The following MEGF6 variants were observed in gnomAD, a reference collection of about 807,000 sequenced individuals.
The protein encoded by MEGF6 is multiple epidermal growth factor-like domains protein 6.
Under a neutral mutation model 207.1 loss-of-function variants are expected in MEGF6, and 184 were observed. The observed-to-expected ratio is 0.89, with a 90% CI of 0.79 to 1.00. The LOEUF is 1.00. Among genes scored for constraint, MEGF6 ranks in the 50% least tolerant of loss-of-function variants. The pLI is 0.00. For synonymous variants in MEGF6, 1,038 were observed against 910.0 expected, an observed-to-expected ratio of 1.14 and a Z score of -2.53; for missense variants, 2,282 against 2,202.9, an observed-to-expected ratio of 1.04 and a Z score of -0.72.
At chr1:3,542,754 A>G (rs1642571897) in intron 4 of MEGF6, among the ~76,000 whole-genome samples, 1 of 152,214 alleles carries the variant, frequency 6.6e-6, no homozygotes, top group African/African-American at 2.4e-5. Flanking sequence ...CTCGCCCAAG[A>G]CCACGCAATA....
intron 3 of MEGF6, among the ~76,000 whole-genome samples, chr1:3,591,342 C>A (rs771962646): frequency 7.9e-5 from 12 of 152,212 alleles, no homozygotes; most frequent in Non-Finnish European, 1.8e-4. Context: ...CCCCTGCTCA[C>A]AAGCCCTTGG....
intron 4 of MEGF6, chr1:3,531,550 GC>G: frequency 1.0e-6 from 1 of 952,428 alleles, no homozygotes; most frequent in Non-Finnish European, 1.2e-6. Context: ...CCAGGGGGCC[GC>G]GCCGGCCCGC....
At position 3,490,275 on chromosome 1, in the gene MEGF6, C is replaced by T. The variant is rs944507362; in HGVS notation, c.*253G>A. On this transcript the variant is annotated 3_prime_UTR_variant, in exon 37 of 37. Coordinates refer to ENST00000356575, the MANE Select transcript of MEGF6 (RefSeq NM_001409.4). ...GGACTTCCTCAGCCCAGGCCCAGAG[C>T]GTGCCCCTGGGTTCTGCAGAGCCAG... 9.2e-6 allele frequency: 5 copies of T among 543,746 alleles called. No homozygotes were observed. The highest frequency in any genetic ancestry group is 3.6e-5 in the Admixed American group (1 of 27,660). The allele number at this position is 543,746 out of a possible 1,614,324, so 33.7% of individuals were successfully genotyped here.
intron 4 of MEGF6, among the ~76,000 whole-genome samples, chr1:3,567,944 C>G (rs905242931): frequency 1.1e-4 from 16 of 152,164 alleles, no homozygotes; most frequent in African/African-American, 3.9e-4. Context: ...CTGCTGCCCG[C>G]CACCCTGGAC....
intron 4 of MEGF6, among the ~76,000 whole-genome samples, chr1:3,526,488 C>A (rs1641968157): frequency 6.6e-6 from 1 of 151,692 alleles, no homozygotes; most frequent in Non-Finnish European, 1.5e-5. Context: ...ACCTCCACCT[C>A]CCAGGTTCAA....
intron 5 of MEGF6, among the ~76,000 whole-genome samples, chr1:3,520,083 C>T (rs1641688085): frequency 6.6e-6 from 1 of 152,254 alleles, no homozygotes; most frequent in African/African-American, 2.4e-5. Context: ...ACAGCGGGCC[C>T]ACCTCTTCCC....
At position 3,500,528 on chromosome 1, in the gene MEGF6, G is replaced by A. The variant is rs551814651; in HGVS notation, c.2707+105C>T. On this transcript the variant is annotated intron_variant, in intron 21 of 36. Transcript: ENST00000356575. ...GCGGCCAAAGGCTTCGTGTGTGTGC[G>A]TGCAGGAGGGAGTACGGTCAAAGGC... 187 of 1,425,530 alleles carry A rather than the reference G, an allele frequency of 1.3e-4. 2 individuals carry two copies. The Admixed American group carries it at 4.4e-3, about 34-fold the overall frequency. 88.3% of individuals were successfully genotyped at this position (1,425,530 alleles called of 1,614,324 possible).
chr1:3,608,602 G>T (rs1348448390), intron 1 of MEGF6, among the ~76,000 whole-genome samples: 1 of 152,192 alleles, frequency 6.6e-6, no homozygotes, highest in Admixed American at 6.5e-5. Flanking sequence ...GCTGCCCAGA[G>T]GGGACTCCAT....
At chr1:3,523,192 C>G (rs1281535836) in intron 5 of MEGF6, among the ~76,000 whole-genome samples, 1 of 152,090 alleles carries the variant, frequency 6.6e-6, no homozygotes, top group African/African-American at 2.4e-5. Flanking sequence ...GAAGAAGGGG[C>G]GTCCTGACGC....
At chr1:3,505,642 C>A in intron 15 of MEGF6, 86 bp from the exon 16 acceptor site, 1 of 1,444,104 alleles carries the variant, frequency 6.9e-7, no homozygotes, top group Non-Finnish European at 9.1e-7. Context: ...TCAGCCAGGA[C>A]GACAGCCAAG....
At chr1:3,491,345 G>C (rs1640354982) in intron 35 of MEGF6, among the ~76,000 whole-genome samples, 1 of 152,096 alleles carries the variant, frequency 6.6e-6, no homozygotes, top group African/African-American at 2.4e-5. Context: ...CCGGCACCCG[G>C]CACCCAGCGC....
chr1:3,496,715 C>T lies in MEGF6; in HGVS notation c.3682G>A (p.Asp1228Asn). Residue 1228 changes from aspartate to asparagine, a missense_variant, in exon 29 of 37, where the codon GAT becomes AAT. Physicochemically the swap from Asp to Asn is conservative, Grantham distance 23 (BLOSUM62 1). Transcript: ENST00000356575. ...LCGCLNGGSC[D>N]AATGACRCPT... is the part of the protein sequence containing the mutation. ...CAGCGGCAGGCCCCCGTGGCCGCATCACAGGAGCCCCCGTTGAGACACCCA... is the reference window on the plus strand; with the variant it reads ...CAGCGGCAGGCCCCCGTGGCCGCATTACAGGAGCCCCCGTTGAGACACCCA... The T allele has an allele frequency of 1.3e-6, 2 of 1,559,078 alleles. No individual in the cohort carries two copies. The highest frequency in any genetic ancestry group is 1.7e-6 in the Non-Finnish European group (2 of 1,152,324).
chr1:3,590,994 A>C (rs1237872455), intron 3 of MEGF6, among the ~76,000 whole-genome samples: 1 of 150,222 alleles, frequency 6.7e-6, no homozygotes, highest in Non-Finnish European at 1.5e-5. Context: ...CCCAGTGCCC[A>C]CAGGCACACT....
intron 4 of MEGF6, among the ~76,000 whole-genome samples, chr1:3,570,112 G>A (rs1248763850): frequency 1.3e-5 from 2 of 152,226 alleles, no homozygotes; most frequent in Non-Finnish European, 2.9e-5. Context: ...CAGCTGTCCT[G>A]TCGAGGAGGT....
rs768054363 is a variant in MEGF6, at chr1:3,501,958, CGTGGA to C, written c.2189-42_2189-38del. On this transcript the variant is annotated intron_variant, in intron 17 of 36. Transcript: ENST00000356575. ...AGCACGAGGGGCCTTAGCCGCACCACGTGGAGTGGACTGACCAGAGCCTTTCCCCC... is the reference window on the plus strand; with the variant it reads ...AGCACGAGGGGCCTTAGCCGCACCACGTGGACTGACCAGAGCCTTTCCCCC... The C allele has an allele frequency of 4.5e-6, 7 of 1,561,846 alleles. No individual in the cohort carries two copies. In the South Asian group the frequency reaches 4.5e-5, roughly 10 times the overall value.
At chr1:3,540,072 T>C (rs1321399057) in intron 4 of MEGF6, among the ~76,000 whole-genome samples, 1 of 152,092 alleles carries the variant, frequency 6.6e-6, no homozygotes, top group Non-Finnish European at 1.5e-5. Flanking sequence ...GCTGCCCAGC[T>C]CGGGGTGTCC....
chr1:3,538,530 G>C (rs893726650), intron 4 of MEGF6, among the ~76,000 whole-genome samples: 2 of 152,192 alleles, frequency 1.3e-5, no homozygotes, highest in African/African-American at 4.8e-5. Context: ...GCAGAAACAG[G>C]GGGGAGCCCC....
chr1:3,537,079 G>C (rs535783279), intron 4 of MEGF6, among the ~76,000 whole-genome samples: 6 of 152,276 alleles, frequency 3.9e-5, no homozygotes, highest in Admixed American at 3.9e-4. Context: ...GCTGGGCTGG[G>C]TGTGGGAGCC....
chr1:3,622,069 A>C, the MEGF6 span, among the ~76,000 whole-genome samples: 1 of 152,214 alleles, frequency 6.6e-6, no homozygotes, highest in African/African-American at 2.4e-5. Context: ...GTTAATGCTG[A>C]AATAAGACTT....
Sources: allele counts gnomAD v4.1 joint callset (sites outside exome capture counted in the v4.1 genomes callset), GRCh38; gene constraint gnomAD v4.1.1; transcripts MANE v1.5; gene names NCBI Gene and HGNC (gene_info 2026-07-23, HGNC 2026-07-21).